GBE1: variants seen among roughly 807,000 people sequenced by gnomAD.
The protein encoded by GBE1 is 1,4-alpha-glucan branching enzyme 1.
Under a neutral mutation model 88.8 loss-of-function variants are expected in GBE1, and 70 were observed. That is an observed-to-expected ratio of 0.79 (90% CI 0.65 to 0.96). The LOEUF is 0.96. Ranked by LOEUF, GBE1 falls within the 40% of genes least tolerant of loss-of-function variation. The probability of loss-of-function intolerance (pLI) is 0.00; values close to 1 mark genes in which losing one functional copy is unlikely to be tolerated. For missense variants in GBE1, 872 were observed against 871.0 expected (o/e 1.00, Z -0.01); for synonymous variants, 284 against 300.1 (o/e 0.95, Z 0.56).
rs541807535 is a variant in GBE1, at chr3:81,635,342, G to A, written c.992+7439C>T. Among the ~76,000 whole-genome samples, 111 of 152,150 alleles carry A rather than the reference G, an allele frequency of 7.3e-4. 1 individual carries two copies. Among genetic ancestry groups the A allele is most frequent in the Non-Finnish European group, 1.1e-3 (74 of 68,036 alleles). ...ATGTGGATGGGAAATGCAGAAGTTAGATAAAAATCTGCCTGCTCACTAATC... is the reference window on the plus strand; with the variant it reads ...ATGTGGATGGGAAATGCAGAAGTTAAATAAAAATCTGCCTGCTCACTAATC... On this transcript the variant is annotated intron_variant, in intron 7 of 15. Transcript: ENST00000429644.
intron 7 of GBE1, among the ~76,000 whole-genome samples, chr3:81,614,666 T>C (rs986031577): frequency 6.6e-6 from 1 of 152,016 alleles, no homozygotes; most frequent in Non-Finnish European, 1.5e-5. Context: ...CAGACCAGCC[T>C]GGCCAACATG....
At chr3:81,548,023 C>G (rs1238005662) in intron 12 of GBE1, among the ~76,000 whole-genome samples, 1 of 151,422 alleles carries the variant, frequency 6.6e-6, no homozygotes, top group Non-Finnish European at 1.5e-5. Context: ...TTGGTCTCTG[C>G]TGTCACAATG....
intron 12 of GBE1, among the ~76,000 whole-genome samples, chr3:81,563,991 G>A (rs1703456851): frequency 3.3e-5 from 5 of 151,744 alleles, no homozygotes; most frequent in Admixed American, 3.3e-4. Flanking sequence ...GGATTGTTAT[G>A]GTTTAAATGA....
intron 14 of GBE1, among the ~76,000 whole-genome samples, chr3:81,505,989 C>A (rs1702648337): frequency 1.3e-5 from 2 of 151,988 alleles, no homozygotes; most frequent in Admixed American, 6.6e-5. Flanking sequence ...ACACCCTAGG[C>A]AATACCATTC....
At chr3:81,743,527 T>G (rs1209781599) in intron 1 of GBE1, 4 of 1,468,798 alleles carry the variant, frequency 2.7e-6, no homozygotes, top group Non-Finnish European at 3.7e-6. Context: ...AAAGACCAAC[T>G]CAAAAATAAT....
At chr3:81,758,282 G>A (rs1706630785) in intron 1 of GBE1, among the ~76,000 whole-genome samples, 2 of 152,098 alleles carry the variant, frequency 1.3e-5, no homozygotes, top group Admixed American at 1.3e-4. Context: ...TTAAACAGAG[G>A]GTATAAAGTA....
chr3:81,717,648 C>A (rs1705958071), intron 1 of GBE1, among the ~76,000 whole-genome samples: 2 of 152,060 alleles, frequency 1.3e-5, no homozygotes, highest in Admixed American at 1.3e-4. Context: ...AGCAATGTGA[C>A]CTTTGGAAAG....
intron 5 of GBE1, 131 bp downstream of exon 5, chr3:81,648,725 T>C (rs1392027200): frequency 2.0e-6 from 1 of 491,392 alleles, no homozygotes; most frequent in African/African-American, 2.0e-5. Context: ...TTGAGAAGCC[T>C]AAAATAAAAT....
intron 2 of GBE1, among the ~76,000 whole-genome samples, chr3:81,699,953 A>T (rs1027147234): frequency 4.6e-5 from 7 of 152,236 alleles, no homozygotes; most frequent in African/African-American, 1.7e-4. Context: ...ATGTAAGTGC[A>T]AATCACATAT....
At chr3:81,701,307 G>T (rs1019385973) in intron 2 of GBE1, among the ~76,000 whole-genome samples, 2 of 152,040 alleles carry the variant, frequency 1.3e-5, no homozygotes, top group Non-Finnish European at 2.9e-5. Flanking sequence ...AAAAAGAAAT[G>T]ATTGTTTTAT....
chr3:81,495,649 T>G (rs147187462), intron 15 of GBE1, among the ~76,000 whole-genome samples: 1 of 152,318 alleles, frequency 6.6e-6, no homozygotes, highest in Admixed American at 6.5e-5. Flanking sequence ...CAGAAATGTA[T>G]ATTAGCTCAT....
At chr3:81,756,518 A>G (rs1467958435) in intron 1 of GBE1, among the ~76,000 whole-genome samples, 3 of 152,234 alleles carry the variant, frequency 2.0e-5, no homozygotes, top group Non-Finnish European at 2.9e-5. Context: ...ATATAGACAT[A>G]GTACCCACTT....
intron 1 of GBE1, among the ~76,000 whole-genome samples, chr3:81,727,777 T>A (rs1251521257): frequency 6.6e-6 from 1 of 152,186 alleles, no homozygotes; most frequent in Non-Finnish European, 1.5e-5. Flanking sequence ...AGTATATTTT[T>A]AAGCTTCTTT....
chr3:81,646,578 TACAA>T lies in GBE1; in HGVS notation c.692-100_692-97del, dbSNP rs754568921. ...TCCTTATTCCAAATACATTAAAATT[TACAA>T]ACAATCTAGAAGCTTTGGTCGTCTT... is the stretch of plus-strand genomic sequence containing the variant. On this transcript the variant is annotated intron_variant, in intron 5 of 15. Transcript: ENST00000429644. 1,108 of 702,682 alleles carry T rather than the reference TACAA, an allele frequency of 1.6e-3. 3 individuals are homozygous for T. The highest frequency in any genetic ancestry group is 2.0e-3 in the Non-Finnish European group (831 of 411,976). The allele number at this position is 702,682 out of a possible 1,614,324, so 43.5% of individuals were successfully genotyped here.
intron 1 of GBE1, among the ~76,000 whole-genome samples, chr3:81,714,354 T>C (rs1705911075): frequency 6.6e-6 from 1 of 152,212 alleles, no homozygotes; most frequent in Non-Finnish European, 1.5e-5. Flanking sequence ...CTAAATTTTC[T>C]AATCTGAAAT....
chr3:81,666,947 CAA>C (rs995476419), intron 3 of GBE1, among the ~76,000 whole-genome samples: 4 of 152,210 alleles, frequency 2.6e-5, no homozygotes, highest in African/African-American at 7.2e-5. Context: ...AAAAATGTGA[CAA>C]AAGACTTATA....
Position 81,489,714 on chromosome 3 carries a change from C to G in GBE1, c.*693G>C, listed in dbSNP as rs1702413510. 6.6e-6 allele frequency: 1 copy of G among 151,860 alleles called. No individual in the cohort carries two copies. The highest frequency in any genetic ancestry group is 1.5e-5 in the Non-Finnish European group (1 of 67,932). The allele number at this position is 151,860 out of a possible 1,614,324, so 9.4% of individuals were successfully genotyped here. A position where few individuals can be genotyped will look rare whatever the true frequency, so the allele number is the denominator to read the frequency against. On this transcript the variant is annotated 3_prime_UTR_variant, in exon 16 of 16. Transcript: ENST00000429644. ...ATTAGCAAAGGCAATTTTACAAAAG[C>G]TTTTTATTGATTGAAATGAAAGACA...
intron 2 of GBE1, among the ~76,000 whole-genome samples, chr3:81,676,689 G>A (rs1352650825): frequency 2.6e-5 from 4 of 151,784 alleles, no homozygotes; most frequent in South Asian, 2.1e-4. Context: ...TGTGCAGAAC[G>A]TGCAGGTTTG....
chr3:81,530,653 A>G (rs997323825), intron 14 of GBE1, among the ~76,000 whole-genome samples: 26 of 151,940 alleles, frequency 1.7e-4, no homozygotes, highest in African/African-American at 6.3e-4. Flanking sequence ...CTCTTCCTTT[A>G]CTTTCCCCTA....
Sources: allele counts gnomAD v4.1 joint callset (sites outside exome capture counted in the v4.1 genomes callset), GRCh38; gene constraint gnomAD v4.1.1; transcripts MANE v1.5; gene names NCBI Gene and HGNC (gene_info 2026-07-23, HGNC 2026-07-21).